The following DOCK8 variants were observed in gnomAD, a reference collection of about 807,000 sequenced individuals.
The protein encoded by DOCK8 is dedicator of cytokinesis 8.
DOCK8 carries 141 observed loss-of-function variants against 245.6 expected under a neutral mutation model. The observed-to-expected ratio is 0.57, with a 90% CI of 0.50 to 0.66. The LOEUF (loss-of-function observed/expected upper bound fraction) is 0.66, where lower values mean the gene tolerates loss of function less well. DOCK8 is among the 30% of genes least tolerant of loss of function. DOCK8 has a pLI of 0.00. For missense variants in DOCK8, 2,965 were observed against 2,603.4 expected, an observed-to-expected ratio of 1.14 and a Z score of -3.02; for synonymous variants, 1,168 against 970.2, an observed-to-expected ratio of 1.20 and a Z score of -3.79.
At chr9:338,792 G>C (rs2051438745) in intron 12 of DOCK8, among the ~76,000 whole-genome samples, 3 of 152,192 alleles carry the variant, frequency 2.0e-5, no homozygotes, top group Admixed American at 1.3e-4. Flanking sequence ...TCCCCAGAAG[G>C]ACTGATAAGA....
At chr9:307,921 A>G (rs2049924246) in intron 5 of DOCK8, among the ~76,000 whole-genome samples, 1 of 152,226 alleles carries the variant, frequency 6.6e-6, no homozygotes, top group South Asian at 2.1e-4. Flanking sequence ...ATCAACATGG[A>G]TGAGTCTAGA....
At chr9:352,853 C>T (rs750057949) in intron 14 of DOCK8, among the ~76,000 whole-genome samples, 20 of 152,122 alleles carry the variant, frequency 1.3e-4, no homozygotes, top group Non-Finnish European at 1.9e-4. Context: ...GGACTTGTCA[C>T]ACTGGTATGA....
intron 46 of DOCK8, among the ~76,000 whole-genome samples, chr9:462,343 G>C (rs1398571570): frequency 6.6e-6 from 1 of 152,192 alleles, no homozygotes; most frequent in East Asian, 1.9e-4. Context: ...TATGTGTGGT[G>C]CAAGCCTAGA....
At chr9:247,843 T>TC (rs1402252969) in intron 1 of DOCK8, among the ~76,000 whole-genome samples, 1 of 152,158 alleles carries the variant, frequency 6.6e-6, no homozygotes, top group African/African-American at 2.4e-5. Flanking sequence ...AAAAGTGTGT[T>TC]AGTCTCTAAG....
intron 46 of DOCK8, chr9:457,152 C>T (rs1206694310): frequency 6.6e-6 from 1 of 152,034 alleles, no homozygotes; most frequent in East Asian, 1.9e-4. Flanking sequence ...GAGACCAAGG[C>T]CATATGCCTG....
At chr9:301,340 C>G (rs1320249856) in intron 4 of DOCK8, among the ~76,000 whole-genome samples, 1 of 152,078 alleles carries the variant, frequency 6.6e-6, no homozygotes, top group Non-Finnish European at 1.5e-5. Context: ...AAGAACATAC[C>G]TCAAAATAAT....
chr9:329,052 C>T (rs533565226), intron 9 of DOCK8, among the ~76,000 whole-genome samples: 16 of 141,566 alleles, frequency 1.1e-4, no homozygotes, highest in Admixed American at 2.3e-4. Context: ...CGGGTTCAAA[C>T]GATTCTCCTG....
chr9:335,482 C>T lies in DOCK8; in HGVS notation c.1285+1098C>T, dbSNP rs116318430. ...AAAGGGCATTTTGTGATTGCTGCTG[C>T]TATTTTGGAGTTACTGGTACATAAT... On this transcript the variant is annotated intron_variant, in intron 11 of 47. Transcript: ENST00000432829. Among the ~76,000 whole-genome samples, 687 of 152,254 alleles carry T rather than the reference C, an allele frequency of 4.5e-3. 4 individuals carry two copies. Among genetic ancestry groups the T allele is most frequent in the African/African-American group, 0.016 (659 of 41,546 alleles).
intron 35 of DOCK8, 90 bp from the exon 36 acceptor site, chr9:429,612 T>A (rs993722075): frequency 6.6e-7 from 1 of 1,508,994 alleles, no homozygotes; most frequent in Non-Finnish European, 9.2e-7. Flanking sequence ...GGCTTTTTGC[T>A]TGTCCAAATG....
intron 14 of DOCK8, among the ~76,000 whole-genome samples, chr9:356,560 T>G (rs904498903): frequency 6.6e-6 from 1 of 151,770 alleles, no homozygotes; most frequent in Admixed American, 6.6e-5. Flanking sequence ...AAATTTGGTT[T>G]GGGTCCCTTC....
intron 29 of DOCK8, among the ~76,000 whole-genome samples, chr9:415,355 C>T (rs1485993237): frequency 6.6e-6 from 1 of 151,882 alleles, no homozygotes; most frequent in Non-Finnish European, 1.5e-5. Context: ...AAAAAGCGGT[C>T]TCAAATGAAC....
intron 1 of DOCK8, among the ~76,000 whole-genome samples, chr9:261,997 G>GAGAAAGAGAA (rs1554648150): frequency 6.8e-6 from 1 of 146,734 alleles, no homozygotes; most frequent in Non-Finnish European, 1.5e-5. Context: ...AAGAAAGAAG[G>GAGAAAGAGAA]AGAAAGAAAG....
chr9:419,222 C>A (rs2056172117), intron 30 of DOCK8, among the ~76,000 whole-genome samples: 1 of 152,244 alleles, frequency 6.6e-6, no homozygotes, highest in African/African-American at 2.4e-5. Context: ...TGACCTAACT[C>A]TTCTTGCTGG....
intron 4 of DOCK8, among the ~76,000 whole-genome samples, chr9:300,859 C>T (rs770497123): frequency 6.6e-6 from 1 of 152,048 alleles, no homozygotes; most frequent in Non-Finnish European, 1.5e-5. Context: ...TAATACAAAA[C>T]CCACCCCAAA....
intron 2 of DOCK8, 58 bp downstream of exon 2, chr9:271,787 ATG>A (rs1357612078): frequency 8.2e-7 from 1 of 1,220,684 alleles, no homozygotes; most frequent in Non-Finnish European, 1.2e-6. Flanking sequence ...TGCCCAGGGT[ATG>A]TGTTTGCCTC....
At position 390,389 on chromosome 9, in the gene DOCK8, G is replaced by A. The variant is rs141044527; in HGVS notation, c.2875-82G>A. 1.1e-4 allele frequency: 144 copies of A among 1,265,514 alleles called. No individual in the cohort carries two copies. The African/African-American group carries it at 2.0e-3, about 17-fold the overall frequency. The allele number at this position is 1,265,514 out of a possible 1,614,324, so 78.4% of individuals were successfully genotyped here. A position where few individuals can be genotyped will look rare whatever the true frequency, so the allele number is the denominator to read the frequency against. On this transcript the variant is annotated intron_variant, in intron 23 of 47. Coordinates refer to ENST00000432829, the MANE Select transcript of DOCK8 (RefSeq NM_203447.4). ...GGAACGAACAAGCTATTAAATTGGGGGGAATAAAAGAAAAGAAAAAAAGTG... is the reference window on the plus strand; with the variant it reads ...GGAACGAACAAGCTATTAAATTGGGAGGAATAAAAGAAAAGAAAAAAAGTG...
rs1410773415 is a variant in DOCK8 at position 376,309 on chromosome 9, A to G, written c.2205+4A>G. The G allele has an allele frequency of 6.3e-7, 1 of 1,588,082 alleles. No homozygotes were observed. Among genetic ancestry groups the G allele is most frequent in the Non-Finnish European group, 8.6e-7 (1 of 1,156,140 alleles). ...TGTTTCTTCTGTACACACCCAGGTA[A>G]GGAATGTCAAGGTTAATCATGAAGG... is the stretch of plus-strand genomic sequence containing the variant. On this transcript the variant is annotated splice_donor_region_variant and intron_variant, in intron 19 of 47. Coordinates refer to ENST00000432829, the MANE Select transcript of DOCK8 (RefSeq NM_203447.4).
At chr9:264,638 G>A (rs1426895295) in intron 1 of DOCK8, among the ~76,000 whole-genome samples, 2 of 152,212 alleles carry the variant, frequency 1.3e-5, no homozygotes, top group African/African-American at 2.4e-5. Flanking sequence ...TGGAGATACA[G>A]TTATGGATAG....
At chr9:303,645 G>C (rs975564284) in intron 4 of DOCK8, among the ~76,000 whole-genome samples, 1 of 152,304 alleles carries the variant, frequency 6.6e-6, no homozygotes, top group South Asian at 2.1e-4. Flanking sequence ...ACTAAAGAAG[G>C]GAGGATGGAA....
Sources: allele counts gnomAD v4.1 joint callset (sites outside exome capture counted in the v4.1 genomes callset), GRCh38; gene constraint gnomAD v4.1.1; transcripts MANE v1.5; gene names NCBI Gene and HGNC (gene_info 2026-07-23, HGNC 2026-07-21).